RBFOX1: variants seen among roughly 807,000 people sequenced by gnomAD.
The protein encoded by RBFOX1 is RNA binding protein fox-1 homolog 1.
Under a neutral mutation model 57.7 loss-of-function variants are expected in RBFOX1, and 8 were observed. The observed-to-expected ratio is 0.14, with a 90% CI of 0.08 to 0.25. The LOEUF is 0.25. Among genes scored for constraint, RBFOX1 ranks in the 10% least tolerant of loss-of-function variants. The pLI is 1.00. For missense variants in RBFOX1, 611 were observed against 548.5 expected (o/e 1.11, Z -1.14); for synonymous variants, 326 against 222.4 (o/e 1.47, Z -4.15).
At chr16:6,007,427 G>A (rs902775409) in intron 4 of RBFOX1, among the ~76,000 whole-genome samples, 6 of 152,170 alleles carry the variant, frequency 3.9e-5, no homozygotes, top group African/African-American at 1.4e-4. Flanking sequence ...TGACTGAGCA[G>A]GCAGCTGGAT....
At chr16:6,490,217 CAAT>C (rs1567415014) in intron 2 of RBFOX1, among the ~76,000 whole-genome samples, 1 of 152,066 alleles carries the variant, frequency 6.6e-6, no homozygotes, top group Non-Finnish European at 1.5e-5. Context: ...ATAGAAATGC[CAAT>C]TTGACACATT....
intron 2 of RBFOX1, among the ~76,000 whole-genome samples, chr16:6,481,578 C>G (rs2095371679): frequency 6.6e-6 from 1 of 152,154 alleles, no homozygotes; most frequent in Non-Finnish European, 1.5e-5. Flanking sequence ...AATAATAATA[C>G]TCTATATTTG....
intron 3 of RBFOX1, among the ~76,000 whole-genome samples, chr16:5,860,060 C>T (rs1478901073): frequency 6.6e-6 from 1 of 152,112 alleles, no homozygotes; most frequent in Admixed American, 6.6e-5. Context: ...GAGAGCAGCC[C>T]AGTAGACAGT....
chr16:6,756,634 C>G (rs2075827662), intron 3 of RBFOX1, among the ~76,000 whole-genome samples: 1 of 151,964 alleles, frequency 6.6e-6, no homozygotes, highest in Non-Finnish European at 1.5e-5. Flanking sequence ...TAATAATAAT[C>G]CCATTTAAAA....
At chr16:7,013,077 C>T (rs768599934) in intron 3 of RBFOX1, among the ~76,000 whole-genome samples, 2 of 152,124 alleles carry the variant, frequency 1.3e-5, no homozygotes, top group South Asian at 2.1e-4. Context: ...GAGGATCTTA[C>T]TTTTATGATG....
chr16:6,975,005 A>T (rs912266520), intron 3 of RBFOX1, among the ~76,000 whole-genome samples: 1 of 152,170 alleles, frequency 6.6e-6, no homozygotes, highest in African/African-American at 2.4e-5. Context: ...GAAAGGGTGG[A>T]GCTAGGTGTG....
chr16:6,900,522 C>CCTT (rs1467959208), intron 3 of RBFOX1, among the ~76,000 whole-genome samples: 1 of 152,130 alleles, frequency 6.6e-6, no homozygotes, highest in African/African-American at 2.4e-5. Context: ...CTGGCCCTGC[C>CCTT]CTTCTCTCAA....
At chr16:7,252,662 C>T (rs1029570828) in intron 4 of RBFOX1, among the ~76,000 whole-genome samples, 9 of 150,752 alleles carry the variant, frequency 6.0e-5, no homozygotes, top group Non-Finnish European at 1.2e-4. Flanking sequence ...GTGTCAGCTA[C>T]TTGTCCTAGA....
At chr16:5,717,289 C>G (rs1281123954) in intron 3 of RBFOX1, among the ~76,000 whole-genome samples, 1 of 152,126 alleles carries the variant, frequency 6.6e-6, no homozygotes, top group African/African-American at 2.4e-5. Context: ...TGCACTTCCA[C>G]TTCCACTTTT....
intron 3 of RBFOX1, among the ~76,000 whole-genome samples, chr16:6,772,754 T>G (rs529097428): frequency 6.6e-6 from 1 of 151,044 alleles, no homozygotes; most frequent in Non-Finnish European, 1.5e-5. Flanking sequence ...AGTGCATTTG[T>G]GTGTGTGTGC....
chr16:7,155,732 T>TACACAC (rs1261795700), intron 4 of RBFOX1, among the ~76,000 whole-genome samples: 7 of 89,428 alleles, frequency 7.8e-5, no homozygotes, highest in African/African-American at 3.0e-4. Flanking sequence ...TATATATATA[T>TACACAC]ATATATACAC....
At chr16:6,263,754 C>G (rs537665958) in intron 1 of RBFOX1, among the ~76,000 whole-genome samples, 1 of 152,002 alleles carries the variant, frequency 6.6e-6, no homozygotes, top group East Asian at 1.9e-4. Context: ...TACAAAGCAC[C>G]CTGCCATGGT....
chr16:5,333,197 A>ACAAT (rs1285577591), intron 1 of RBFOX1, among the ~76,000 whole-genome samples: 35 of 151,236 alleles, frequency 2.3e-4, no homozygotes, highest in Admixed American at 2.2e-3. Context: ...CAAAAAACAA[A>ACAAT]CAAAAAACCA....
At chr16:6,670,099 G>A (rs960852038) in intron 3 of RBFOX1, among the ~76,000 whole-genome samples, 6 of 152,136 alleles carry the variant, frequency 3.9e-5, no homozygotes, top group African/African-American at 1.4e-4. Flanking sequence ...ATGGCTCACT[G>A]CAACCTCACC....
intron 2 of RBFOX1, among the ~76,000 whole-genome samples, chr16:6,471,377 G>A (rs967166296): frequency 7.2e-5 from 11 of 152,096 alleles, no homozygotes; most frequent in African/African-American, 2.4e-4. Context: ...CATCTAGTAC[G>A]ATAATTATAC....
intron 5 of RBFOX1, among the ~76,000 whole-genome samples, chr16:7,521,227 A>C (rs574473195): frequency 6.6e-6 from 1 of 152,180 alleles, no homozygotes; most frequent in Non-Finnish European, 1.5e-5. Flanking sequence ...AAGTCCTAAG[A>C]AGAGGCCAGT....
At chr16:7,383,465 T>C (rs1165944772) in intron 4 of RBFOX1, among the ~76,000 whole-genome samples, 1 of 152,128 alleles carries the variant, frequency 6.6e-6, no homozygotes, top group Non-Finnish European at 1.5e-5. Context: ...ATCTGAGTTT[T>C]AGGCTAGCCA....
intron 3 of RBFOX1, among the ~76,000 whole-genome samples, chr16:5,856,220 T>TATAC (rs1555547633): frequency 3.2e-5 from 1 of 31,322 alleles, no homozygotes; most frequent in African/African-American, 9.3e-5. Flanking sequence ...TATATATGTA[T>TATAC]ATATATATGT....
At chr16:7,245,968 A>G (rs973498877) in intron 4 of RBFOX1, among the ~76,000 whole-genome samples, 7 of 152,328 alleles carry the variant, frequency 4.6e-5, no homozygotes, top group Admixed American at 2.0e-4. Flanking sequence ...CCCTGAAAAA[A>G]AGTATAGATT....
Sources: allele counts gnomAD v4.1 joint callset (sites outside exome capture counted in the v4.1 genomes callset), GRCh38; gene constraint gnomAD v4.1.1; transcripts MANE v1.5; gene names NCBI Gene and HGNC (gene_info 2026-07-23, HGNC 2026-07-21).